The following COPRS variants were observed in gnomAD, a reference collection of about 807,000 sequenced individuals.
COPRS encodes cooperator of PRMT5.
In COPRS, 11 loss-of-function variants were observed where a neutral mutation model predicts 19.9. That is an observed-to-expected ratio of 0.55 (90% CI 0.35 to 0.92). The LOEUF is 0.92. Ranked by LOEUF, COPRS falls within the 40% of genes least tolerant of loss-of-function variation. The probability of loss-of-function intolerance (pLI) is 0.01; values close to 1 mark genes in which losing one functional copy is unlikely to be tolerated. For missense variants in COPRS, 225 were observed against 229.9 expected, an observed-to-expected ratio of 0.98 and a Z score of 0.14; for synonymous variants, 81 against 82.7, an observed-to-expected ratio of 0.98 and a Z score of 0.11.
Position 31,858,884 on chromosome 17 carries a change from C to G in COPRS, c.99+217G>C, listed in dbSNP as rs868028753. On this transcript the variant is annotated intron_variant, in intron 1 of 3. Coordinates refer to ENST00000302362, the MANE Select transcript of COPRS (RefSeq NM_018405.4). ...GTCTCTGCTGACCCAGAGCGCCCAC[C>G]CACGCCCTCGGCTTTCCCCGCCCCG... 1.0e-4 allele frequency: 158 copies of G among 1,533,682 alleles called. No homozygotes were observed. In the Middle Eastern group the frequency reaches 2.8e-3, roughly 27 times the overall value.
chr17:31,857,663 G>C (rs559056249), intron 1 of COPRS, among the ~76,000 whole-genome samples: 4 of 152,102 alleles, frequency 2.6e-5, no homozygotes, highest in Non-Finnish European at 5.9e-5. Context: ...TAAAAGACCT[G>C]ATTTTGATCC....
intron 1 of COPRS, chr17:31,858,664 GT>G: frequency 7.7e-7 from 1 of 1,298,860 alleles, no homozygotes. Flanking sequence ...GAGCGCGCAT[GT>G]GACATCTGGG....
chr17:31,858,998 A>C, intron 1 of COPRS, 103 bp downstream of exon 1: 1 of 1,252,098 alleles, frequency 8.0e-7, no homozygotes, highest in South Asian at 2.7e-5. Context: ...GAGGCCGGCC[A>C]GAGGCGCTTC....
At position 31,857,014 on chromosome 17, in the gene COPRS, G is replaced by A. The variant is rs765026983; in HGVS notation, c.100-149C>T. On this transcript the variant is annotated intron_variant, in intron 1 of 3. Coordinates refer to ENST00000302362, the MANE Select transcript of COPRS (RefSeq NM_018405.4). ...GCCACCCACATTTCTACTTTGCCCT[G>A]TTAAACTGAGCAAGGCTGGAGGGAG... is the stretch of plus-strand genomic sequence containing the variant. The A allele has an allele frequency of 4.5e-6, 3 of 669,878 alleles. No homozygotes were observed. The Admixed American group carries it at 7.3e-5, about 16-fold the overall frequency. The allele number at this position is 669,878 out of a possible 1,614,324, so 41.5% of individuals were successfully genotyped here.
intron 1 of COPRS, chr17:31,858,651 G>T: frequency 8.2e-7 from 1 of 1,226,456 alleles, no homozygotes; most frequent in South Asian, 1.3e-5. Context: ...TAAGGAGAAG[G>T]GGGAGCGCGC....
chr17:31,857,367 G>A (rs1165035742), intron 1 of COPRS, among the ~76,000 whole-genome samples: 3 of 152,146 alleles, frequency 2.0e-5, no homozygotes, highest in East Asian at 1.9e-4. Flanking sequence ...TGTTCCCTGC[G>A]GTTGCCACCC....
intron 2 of COPRS, among the ~76,000 whole-genome samples, chr17:31,853,830 G>T (rs1909239843): frequency 2.0e-5 from 3 of 152,110 alleles, no homozygotes; most frequent in African/African-American, 7.2e-5. Context: ...ACATCAGGGA[G>T]GCCGGAAGGT....
chr17:31,856,019 G>T (rs909817708), intron 2 of COPRS, among the ~76,000 whole-genome samples: 1 of 151,872 alleles, frequency 6.6e-6, no homozygotes, highest in Admixed American at 6.6e-5. Context: ...ACGGCAGGGG[G>T]CTGGGCACAG....
chr17:31,852,702 C>G (rs1909201336), intron 3 of COPRS, 110 bp downstream of exon 3: 1 of 810,042 alleles, frequency 1.2e-6, no homozygotes, highest in South Asian at 1.4e-5. Flanking sequence ...GTAACAGATA[C>G]CAGCCTAAGC....
chr17:31,853,573 G>T (rs1598084587), intron 2 of COPRS, among the ~76,000 whole-genome samples: 1 of 152,114 alleles, frequency 6.6e-6, no homozygotes, highest in African/African-American at 2.4e-5. Flanking sequence ...GTAGAGACGG[G>T]GTTTCACCAT....
At chr17:31,856,437 ATAAG>A (rs1166288042) in intron 2 of COPRS, 4 of 256,784 alleles carry the variant, frequency 1.6e-5, no homozygotes, top group Non-Finnish European at 3.0e-5. Flanking sequence ...TGCATAATTT[ATAAG>A]TTAAACCATA....
At chr17:31,857,163 A>T (rs1309440520) in intron 1 of COPRS, among the ~76,000 whole-genome samples, 1 of 152,170 alleles carries the variant, frequency 6.6e-6, no homozygotes, top group Non-Finnish European at 1.5e-5. Context: ...TTGCAGAGCC[A>T]GTCTTATCAC....
chr17:31,854,900 G>C, intron 2 of COPRS, among the ~76,000 whole-genome samples: 1 of 152,188 alleles, frequency 6.6e-6, no homozygotes, highest in East Asian at 1.9e-4. Context: ...CTAGGTAGTG[G>C]TGATGGTTGC....
At chr17:31,857,958 T>G (rs1488793109) in intron 1 of COPRS, among the ~76,000 whole-genome samples, 1 of 152,202 alleles carries the variant, frequency 6.6e-6, no homozygotes, top group Non-Finnish European at 1.5e-5. Context: ...CTGTAGTTAG[T>G]GACAACCTCT....
intron 2 of COPRS, among the ~76,000 whole-genome samples, chr17:31,856,266 C>T (rs1406861140): frequency 1.3e-5 from 2 of 151,950 alleles, no homozygotes; most frequent in Admixed American, 6.6e-5. Context: ...ACCTGGGAAG[C>T]GGAGGTTGCG....
At chr17:31,858,800 G>C (rs1436907572) in intron 1 of COPRS, 9 of 1,550,412 alleles carry the variant, frequency 5.8e-6, no homozygotes, top group African/African-American at 1.4e-5. Context: ...CCGGCTCTCG[G>C]TCACCAGCGT....
At chr17:31,852,781 A>C (rs1196217784) in intron 3 of COPRS, 31 bp downstream of exon 3, 1 of 1,516,994 alleles carries the variant, frequency 6.6e-7, no homozygotes, top group Admixed American at 1.7e-5. Flanking sequence ...GAGAAGGCCT[A>C]GTTCAGGACC....
At position 31,852,238 on chromosome 17, in the gene COPRS, G is replaced by T. The variant is rs1452658259; in HGVS notation, c.456C>A (p.Asp152Glu). 1.9e-6 allele frequency: 3 copies of T among 1,614,040 alleles called. No homozygotes were observed. In the Admixed American group the frequency reaches 5.0e-5, roughly 27 times the overall value. Residue 152 changes from aspartate to glutamate, a missense_variant, in exon 4 of 4, where the codon GAC (aspartate) becomes GAA (glutamate). By Grantham distance (45) the Asp-to-Glu change is conservative. Around this residue, in one of 3 missense-constraint regions of COPRS, gnomAD observed 170 missense variants for 171.4 expected, o/e 0.99. Transcript: ENST00000302362. ...KPWVCCAPQG[D>E]MIYDPSWHHP... ...GGTGCCAGCTGGGGTCATAGATCATGTCTCCTTGTGGGGCACAGCACACCC... is the reference window on the plus strand; with the variant it reads ...GGTGCCAGCTGGGGTCATAGATCATTTCTCCTTGTGGGGCACAGCACACCC...
chr17:31,858,274 G>A (rs1178744144), intron 1 of COPRS: 1 of 705,690 alleles, frequency 1.4e-6, no homozygotes, highest in Non-Finnish European at 1.7e-6. Flanking sequence ...CTCTCACCTT[G>A]ATCCTTTCCT....
Sources: gnomAD v4.1 joint callset for allele counts (sites outside exome capture counted in the v4.1 genomes callset) on GRCh38, gnomAD v4.1.1 for gene constraint, gnomAD v4.1.1 regional missense constraint, MANE v1.5 for transcripts, NCBI Gene and HGNC (gene_info 2026-07-23, HGNC 2026-07-21) for gene names.